AUTS2: variants seen among roughly 807,000 people sequenced by gnomAD.
AUTS2 encodes the protein activator of transcription and developmental regulator AUTS2.
In AUTS2, 17 loss-of-function variants were observed where a neutral mutation model predicts 112.4. The observed-to-expected ratio is 0.15, with a 90% CI of 0.10 to 0.23. The LOEUF is 0.23. AUTS2 is among the 10% of genes least tolerant of loss of function. The pLI is 1.00. For missense variants in AUTS2, 1,510 were observed against 1,701.6 expected, an observed-to-expected ratio of 0.89 and a Z score of 1.98; for synonymous variants, 751 against 702.7, an observed-to-expected ratio of 1.07 and a Z score of -1.09.
chr7:70,141,370 C>A (rs983081336), intron 4 of AUTS2, among the ~76,000 whole-genome samples: 1 of 152,024 alleles, frequency 6.6e-6, no homozygotes, highest in African/African-American at 2.4e-5. Context: ...TGGAGTTAGT[C>A]CCCAGAAGAG....
At chr7:70,541,404 A>G (rs1341823155) in intron 5 of AUTS2, among the ~76,000 whole-genome samples, 1 of 152,208 alleles carries the variant, frequency 6.6e-6, no homozygotes, top group African/African-American at 2.4e-5. Flanking sequence ...TTCTTCACAT[A>G]CATAACTGCT....
At chr7:69,738,239 T>C (rs1350195629) in intron 1 of AUTS2, among the ~76,000 whole-genome samples, 1 of 152,036 alleles carries the variant, frequency 6.6e-6, no homozygotes, top group Non-Finnish European at 1.5e-5. Flanking sequence ...ATTTTTTTTT[T>C]CCTTCTCTCC....
intron 5 of AUTS2, among the ~76,000 whole-genome samples, chr7:70,571,964 AG>A (rs1801961363): frequency 6.6e-6 from 1 of 152,184 alleles, no homozygotes; most frequent in Non-Finnish European, 1.5e-5. Context: ...TGTGTTCCAC[AG>A]GGGGAACTTG....
chr7:70,669,473 A>C (rs935688567), intron 5 of AUTS2, among the ~76,000 whole-genome samples: 1 of 152,216 alleles, frequency 6.6e-6, no homozygotes, highest in African/African-American at 2.4e-5. Context: ...GAAGCAGAGA[A>C]TTTTAGAGCA....
chr7:70,488,500 T>G (rs987933455), intron 5 of AUTS2, among the ~76,000 whole-genome samples: 1 of 152,126 alleles, frequency 6.6e-6, no homozygotes, highest in African/African-American at 2.4e-5. Flanking sequence ...TCTTCTCAGT[T>G]CTGTCCCCTA....
Position 69,774,837 on chromosome 7 carries a change from AT to A in AUTS2, c.310-124439del, listed in dbSNP as rs199761540. Among the ~76,000 whole-genome samples, 9 of 150,698 alleles carry A rather than the reference AT, an allele frequency of 6.0e-5. No homozygotes were observed. In the South Asian group the frequency reaches 6.3e-4, roughly 11 times the overall value. ...AGTAGGTCTAGGATAGAGTCCAATA[AT>A]TTTTTTTTTAATTAATGCCCCAGGT... On this transcript the variant is annotated intron_variant, in intron 1 of 18. Coordinates refer to ENST00000342771, the MANE Select transcript of AUTS2 (RefSeq NM_015570.4).
chr7:69,827,684 C>T (rs187692438), intron 1 of AUTS2, among the ~76,000 whole-genome samples: 59 of 152,208 alleles, frequency 3.9e-4, no homozygotes, highest in African/African-American at 1.4e-3. Flanking sequence ...ATAAACAAAG[C>T]TTATCTTTTT....
chr7:70,188,214 AAC>A (rs1809706233), intron 4 of AUTS2, among the ~76,000 whole-genome samples: 1 of 152,202 alleles, frequency 6.6e-6, no homozygotes, highest in African/African-American at 2.4e-5. Context: ...CAAATAATGA[AAC>A]ATACACACTT....
chr7:69,602,807 A>G (rs930852961), intron 1 of AUTS2, among the ~76,000 whole-genome samples: 1 of 152,226 alleles, frequency 6.6e-6, no homozygotes, highest in African/African-American at 2.4e-5. Context: ...ATCATCATAT[A>G]TGTCTGGTTC....
chr7:70,440,851 C>G (rs1178076935), intron 5 of AUTS2, among the ~76,000 whole-genome samples: 1 of 152,166 alleles, frequency 6.6e-6, no homozygotes, highest in Non-Finnish European at 1.5e-5. Flanking sequence ...TGTCGGTTCC[C>G]AGAAACCCAT....
At chr7:69,912,423 G>A (rs1019377469) in intron 2 of AUTS2, among the ~76,000 whole-genome samples, 20 of 152,130 alleles carry the variant, frequency 1.3e-4, no homozygotes, top group African/African-American at 3.9e-4. Context: ...GGCCCCAGCC[G>A]GCTCCTCAGA....
intron 6 of AUTS2, among the ~76,000 whole-genome samples, chr7:70,757,417 T>C (rs981577769): frequency 2.6e-5 from 4 of 152,230 alleles, no homozygotes; most frequent in Admixed American, 1.3e-4. Context: ...TAAACAGTTT[T>C]TCCTCTTTCT....
At chr7:70,390,392 A>G (rs759448628) in intron 4 of AUTS2, among the ~76,000 whole-genome samples, 3 of 152,158 alleles carry the variant, frequency 2.0e-5, no homozygotes, top group South Asian at 2.1e-4. Context: ...GAACACTAAC[A>G]TAATGAAAAG....
intron 1 of AUTS2, among the ~76,000 whole-genome samples, chr7:69,861,658 G>A (rs1247266193): frequency 1.3e-5 from 2 of 152,186 alleles, no homozygotes; most frequent in African/African-American, 4.8e-5. Flanking sequence ...AAGTACTAAG[G>A]ATTGTTTTCT....
intron 12 of AUTS2, 153 bp downstream of exon 12, chr7:70,774,252 C>A: frequency 1.5e-6 from 1 of 689,642 alleles, no homozygotes. Context: ...GCCAATTACT[C>A]TTAGAAAACA....
intron 5 of AUTS2, among the ~76,000 whole-genome samples, chr7:70,632,752 G>A (rs1245489089): frequency 6.6e-6 from 1 of 151,932 alleles, no homozygotes; most frequent in Non-Finnish European, 1.5e-5. Context: ...CTTTTTTGGA[G>A]CATCCCACAG....
intron 5 of AUTS2, among the ~76,000 whole-genome samples, chr7:70,547,168 C>T (rs1181854632): frequency 6.6e-6 from 1 of 152,152 alleles, no homozygotes; most frequent in African/African-American, 2.4e-5. Flanking sequence ...CATTACCACT[C>T]CCAGGTCAAG....
chr7:70,764,889 C>A lies in AUTS2; in HGVS notation c.1352C>A (p.Pro451His). 6.2e-7 allele frequency: 1 copy of A among 1,608,534 alleles called. No homozygotes were observed. Among genetic ancestry groups the A allele is most frequent in the Non-Finnish European group, 8.5e-7 (1 of 1,177,762 alleles). ...LHSFTPTLQPPAHSHHPNMFA... is the reference protein window; with the variant it reads ...LHSFTPTLQPHAHSHHPNMFA... ...AGCTTCACACCCACCCTCCAGCCCC[C>A]CGCACACTCACATCACCCCAATATG... Residue 451 changes from proline (P) to histidine (H), a missense_variant, in exon 8 of 19, where the codon CCC becomes CAC. Pro to His is a moderately conservative substitution (Grantham distance 77). Around this residue, in one of 3 missense-constraint regions of AUTS2, gnomAD observed 535 missense variants for 594.3 expected, o/e 0.90. Coordinates refer to ENST00000342771, the MANE Select transcript of AUTS2 (RefSeq NM_015570.4).
intron 1 of AUTS2, among the ~76,000 whole-genome samples, chr7:69,602,027 T>C (rs1792440914): frequency 2.1e-4 from 2 of 9,738 alleles, no homozygotes; most frequent in Non-Finnish European, 4.4e-4. Flanking sequence ...TGTGTATATA[T>C]ATATATATAT....
Sources: gnomAD v4.1 joint callset for allele counts (sites outside exome capture counted in the v4.1 genomes callset) on GRCh38, gnomAD v4.1.1 for gene constraint, gnomAD v4.1.1 regional missense constraint, MANE v1.5 for transcripts, NCBI Gene and HGNC (gene_info 2026-07-23, HGNC 2026-07-21) for gene names.